Variants in KMT2D observed in about 807,000 individuals in gnomAD.
KMT2D encodes the protein histone-lysine N-methyltransferase 2D.
KMT2D carries 55 observed loss-of-function variants against 512.7 expected under a neutral mutation model. That is an observed-to-expected ratio of 0.11 (90% CI 0.09 to 0.13). The LOEUF (loss-of-function observed/expected upper bound fraction) is 0.13. Among genes scored for constraint, KMT2D ranks in the 10% least tolerant of loss-of-function variants. The pLI, the probability that KMT2D is intolerant of heterozygous loss-of-function variation, is 1.00. For synonymous variants in KMT2D, 2,995 were observed against 2,904.0 expected (o/e 1.03, Z -1.01); for missense variants, 6,061 against 7,127.9 (o/e 0.85, Z 5.39).
Position 49,031,565 on chromosome 12 carries a change from T to A in KMT2D, c.13140A>T (p.Pro4380=). The A allele has an allele frequency of 1.2e-6, 2 of 1,601,836 alleles. No homozygotes were observed. Among genetic ancestry groups the A allele is most frequent in the Non-Finnish European group, 1.7e-6 (2 of 1,174,022 alleles). The part of the protein sequence containing the change: ...FSKGLGPWDP[P]DNLAETQKPE... ...GCTTCTGGGTTTCTGCTAGGTTGTC[T>A]GGGGGATCCCAAGGTCCCAGACCCT... Residue 4380 remains proline, a synonymous_variant, in exon 40 of 55, where the codon CCA becomes CCT. Coordinates refer to ENST00000301067, the MANE Select transcript of KMT2D (RefSeq NM_003482.4).
Position 49,060,036 on chromosome 12 carries a change from G to A in KMT2D, c.-461C>T, listed in dbSNP as rs1290238319. Among the ~76,000 whole-genome samples, 2 of 151,428 alleles carry A rather than the reference G, an allele frequency of 1.3e-5. No individual in the cohort carries two copies. The highest frequency in any genetic ancestry group is 3.0e-5 in the Non-Finnish European group (2 of 67,726). ...GATGGAACGTCGAGGCGCCTCCCCA[G>A]CAGCCCGGAAGGAATGCCGCGCCGC... is the stretch of plus-strand genomic sequence containing the variant. On this transcript the variant is annotated 5_prime_UTR_variant, in exon 1 of 55. Transcript: ENST00000301067.
Position 49,039,700 on chromosome 12 carries a change from C to T in KMT2D, c.8046+24G>A, listed in dbSNP as rs775763674. The stretch of plus-strand genomic sequence containing the variant: ...CCAGAGACAGGAGCGATATAGGGGG[C>T]TTAGCTCCAGGGTGTCAACTTACCT... On this transcript the variant is annotated intron_variant, in intron 32 of 54. Coordinates refer to ENST00000301067, the MANE Select transcript of KMT2D (RefSeq NM_003482.4). This position sits in a 1 kb window ranked among gnomAD's most constrained non-coding sequence, Gnocchi z 5.0. The T allele has an allele frequency of 6.2e-7, 1 of 1,608,270 alleles. No homozygotes were observed. Among genetic ancestry groups the T allele is most frequent in the Non-Finnish European group, 8.5e-7 (1 of 1,178,004 alleles).
Position 49,059,973 on chromosome 12 carries a change from G to A in KMT2D, c.-398C>T, listed in dbSNP as rs1187901510. Among the ~76,000 whole-genome samples, 1 of 151,530 alleles carries A rather than the reference G, an allele frequency of 6.6e-6. No individual in the cohort carries two copies. The highest frequency in any genetic ancestry group is 2.0e-4 in the East Asian group (1 of 5,120). ...CTAGGGCCCGGCCAGCGCCCCGGCC[G>A]CCCGCGCCGGGCTCGGGCGGAACGT... On this transcript the variant is annotated 5_prime_UTR_variant, in exon 1 of 55. Transcript: ENST00000301067.
In KMT2D at chr12:49,040,998, G is replaced by A. The variant is rs770272063; in HGVS notation, c.6772C>T (p.Pro2258Ser). ...CCTCCCCCTACCCCAGGGCTCTCAGGCACAGCCAAGTTATCCAGCGAGGGG... is the reference window on the plus strand; with the variant it reads ...CCTCCCCCTACCCCAGGGCTCTCAGACACAGCCAAGTTATCCAGCGAGGGG... ...RCPSLDNLAV[P>S]ESPGVGGGKA... The change falls in exon 32 of 55, where the codon CCT (proline) becomes TCT (serine). Residue 2258 changes from proline to serine, a missense_variant. Physicochemically the swap from Pro to Ser is moderately conservative, Grantham distance 74. Around this residue, in one of 16 missense-constraint regions of KMT2D, gnomAD observed 710 missense variants for 647.3 expected, o/e 1.10. Transcript: ENST00000301067. 25 of 1,598,650 alleles carry A rather than the reference G, an allele frequency of 1.6e-5. No homozygotes were observed. The highest frequency in any genetic ancestry group is 6.7e-5 in the East Asian group (3 of 44,718).
rs2120418288 is a variant in KMT2D, at chr12:49,031,278, G to C, written c.13427C>G (p.Thr4476Ser). 1 of 1,613,452 alleles carries C rather than the reference G, an allele frequency of 6.2e-7. No individual in the cohort carries two copies. Among genetic ancestry groups the C allele is most frequent in the Non-Finnish European group, 8.5e-7 (1 of 1,179,886 alleles). The change falls in exon 40 of 55, where the codon ACT becomes AGT. Residue 4476 changes from threonine (T) to serine (S), a missense_variant. By Grantham distance (58) the Thr-to-Ser change is moderately conservative. Transcript: ENST00000301067. The part of the protein sequence containing the change: ...LLRAKNVQLS[T>S]GRGSEGLRAE... ...TCGCAGCCCCTCGGACCCCCGCCCAGTGCTGAGTTGCACATTCTTTGCCCG... is the reference window on the plus strand; with the variant it reads ...TCGCAGCCCCTCGGACCCCCGCCCACTGCTGAGTTGCACATTCTTTGCCCG...
rs2120528863 is a variant in KMT2D, at chr12:49,040,427, T to C, written c.7343A>G (p.Asp2448Gly). 6.4e-7 allele frequency: 1 copy of C among 1,562,618 alleles called. No individual in the cohort carries two copies. Among genetic ancestry groups the C allele is most frequent in the Non-Finnish European group, 8.7e-7 (1 of 1,153,554 alleles). ...GCGTGAGGGTGGGCGAGAATAAGGG[T>C]CAGGGGACTGGAAGCGAGGGGTAAC... ...SPVTPRFQSP[D>G]PYSRPPSRPQ... The change falls in exon 32 of 55, where the codon GAC (aspartate) becomes GGC (glycine). Residue 2448 changes from aspartate to glycine, a missense_variant. By Grantham distance (94) the Asp-to-Gly change is moderately conservative. Coordinates refer to ENST00000301067, the MANE Select transcript of KMT2D (RefSeq NM_003482.4).
chr12:49,059,344 A>T (rs1938600091), intron 1 of KMT2D, among the ~76,000 whole-genome samples: 1 of 152,096 alleles, frequency 6.6e-6, no homozygotes, highest in Non-Finnish European at 1.5e-5. Context: ...ACACAAAAAT[A>T]AACAGGCAGA....
Position 49,039,152 on chromosome 12 carries a change from A to T in KMT2D, c.8366+70T>A. Reference sequence around the variant, plus strand: ...AAAGGATTAGTGATACAGGAAAATCACAAGAGCTTCCAACAGTGATAAAAT... The same window carrying T: ...AAAGGATTAGTGATACAGGAAAATCTCAAGAGCTTCCAACAGTGATAAAAT... On this transcript the variant is annotated intron_variant, in intron 34 of 54. Coordinates refer to ENST00000301067, the MANE Select transcript of KMT2D (RefSeq NM_003482.4). The surrounding 1 kb of genome is among the most constrained non-coding windows in gnomAD (Gnocchi z 5.0). The T allele has an allele frequency of 6.3e-7, 1 of 1,589,610 alleles. No homozygotes were observed.
chr12:49,041,812 C>G lies in KMT2D; in HGVS notation c.6183+105G>C. On this transcript the variant is annotated intron_variant, in intron 30 of 54. Coordinates refer to ENST00000301067, the MANE Select transcript of KMT2D (RefSeq NM_003482.4). This position sits in a 1 kb window ranked among gnomAD's most constrained non-coding sequence, Gnocchi z 5.4. The stretch of plus-strand genomic sequence containing the variant: ...TACCCAGAAGCAGATCCCTTCTGGC[C>G]CAGCTGCTTTAGGAGTGGGGAGCGG... The G allele has an allele frequency of 1.3e-6, 2 of 1,520,470 alleles. No individual in the cohort carries two copies. Among genetic ancestry groups the G allele is most frequent in the Non-Finnish European group, 1.8e-6 (2 of 1,116,378 alleles). The allele number at this position is 1,520,470 out of a possible 1,614,324, so 94.2% of individuals were successfully genotyped here.
chr12:49,055,392 C>T (rs2120719385), intron 1 of KMT2D, 31 bp from the exon 2 acceptor site: 3 of 1,417,448 alleles, frequency 2.1e-6, no homozygotes, highest in Admixed American at 2.0e-5. Context: ...ATCTATATGC[C>T]TACTAAGTCT....
chr12:49,021,715 C>A lies in KMT2D; in HGVS notation c.*65G>T. 1.5e-6 allele frequency: 2 copies of A among 1,345,768 alleles called. No homozygotes were observed. Among genetic ancestry groups the A allele is most frequent in the East Asian group, 2.3e-5 (1 of 43,510 alleles). The allele number at this position is 1,345,768 out of a possible 1,614,324, so 83.4% of individuals were successfully genotyped here. On this transcript the variant is annotated 3_prime_UTR_variant, in exon 55 of 55. Transcript: ENST00000301067. ...GCTCTGGCTGCTACCTCTCTTCCCCCTCATCCCTTTCAGGGAAGAGGTTGT... is the reference window on the plus strand; with the variant it reads ...GCTCTGGCTGCTACCTCTCTTCCCCATCATCCCTTTCAGGGAAGAGGTTGT...
In KMT2D at chr12:49,037,454, C is replaced by A. The variant is rs574890031; in HGVS notation, c.9902G>T (p.Gly3301Val). ...PAQAMSLPHEGSSPSLAGSQQ... is the reference protein window; with the variant it reads ...PAQAMSLPHEVSSPSLAGSQQ... ...GGACCCAGCCAAACTGGGAGAAGAGCCCTCATGTGGCAAAGACATGGCCTG... is the reference window on the plus strand; with the variant it reads ...GGACCCAGCCAAACTGGGAGAAGAGACCTCATGTGGCAAAGACATGGCCTG... Residue 3301 changes from glycine to valine, a missense_variant, in exon 35 of 55, where the codon GGC becomes GTC. Physicochemically the swap from Gly to Val is moderately radical, Grantham distance 109. Coordinates refer to ENST00000301067, the MANE Select transcript of KMT2D (RefSeq NM_003482.4). The A allele has an allele frequency of 6.3e-7, 1 of 1,575,350 alleles. No individual in the cohort carries two copies. Among genetic ancestry groups the A allele is most frequent in the Non-Finnish European group, 8.6e-7 (1 of 1,160,466 alleles).
Position 49,034,422 on chromosome 12 carries a change from G to T in KMT2D, c.10495C>A (p.Gln3499Lys), listed in dbSNP as rs1215928987. ...GCCCCATACTCACTGATCACTCCCT[G>T]AGCAAAAGTGGGCGGGTTGGGACGA... The part of the protein sequence containing the change: ...QPRPNPPTFA[Q>K]GVINEADQRQ... Residue 3499 changes from glutamine (Q) to lysine (K), a missense_variant, in exon 38 of 55, where the codon CAG (glutamine) becomes AAG (lysine). By Grantham distance (53) the Gln-to-Lys change is moderately conservative. Transcript: ENST00000301067. 2.5e-6 allele frequency: 4 copies of T among 1,613,742 alleles called. No individual in the cohort carries two copies. In the East Asian group the frequency reaches 8.9e-5, roughly 36 times the overall value.
At position 49,028,808 on chromosome 12, in the gene KMT2D, G is replaced by C. The variant is rs114500210; in HGVS notation, c.14382+20C>G. 1.2e-6 allele frequency: 2 copies of C among 1,612,042 alleles called. No homozygotes were observed. The highest frequency in any genetic ancestry group is 1.1e-5 in the South Asian group (1 of 90,878). On this transcript the variant is annotated intron_variant, in intron 46 of 54. Coordinates refer to ENST00000301067, the MANE Select transcript of KMT2D (RefSeq NM_003482.4). ...CTCTGATCAGGTTCCCCTCAGCCTC[G>C]AGGTACCCCTAGGACACACCTTGGC...
At chr12:49,053,766 C>A (rs1259663078) in intron 6 of KMT2D, 125 bp from the exon 7 acceptor site, 6 of 1,211,036 alleles carry the variant, frequency 5.0e-6, no homozygotes. Flanking sequence ...TGAGTGCCTG[C>A]CCAACGTCTG....
At position 49,031,224 on chromosome 12, in the gene KMT2D, T is replaced by C; in HGVS notation, c.13481A>G (p.Lys4494Arg). 1.2e-6 allele frequency: 2 copies of C among 1,612,512 alleles called. No homozygotes were observed. Among genetic ancestry groups the C allele is most frequent in the South Asian group, 1.1e-5 (1 of 91,042 alleles). The change falls in exon 40 of 55, where the codon AAG becomes AGG. Residue 4494 changes from lysine to arginine, a missense_variant. Lys to Arg is a conservative substitution (Grantham distance 26, BLOSUM62 2). This residue lies in a region of KMT2D where 1,600 missense variants were observed against 1,754.9 expected (regional missense o/e 0.91). Coordinates refer to ENST00000301067, the MANE Select transcript of KMT2D (RefSeq NM_003482.4). Reference protein sequence around the residue: ...RAEINGHIDSKLAGLEQKLQG... With the variant: ...RAEINGHIDSRLAGLEQKLQG... ...TAGTTTCTGCTCCAGCCCAGCCAGC[T>C]TGCTGTCAATGTGCCCGTTGATCTC...
chr12:49,031,900 G>T lies in KMT2D; in HGVS notation c.12805C>A (p.Pro4269Thr). 1 of 1,536,372 alleles carries T rather than the reference G, an allele frequency of 6.5e-7. No individual in the cohort carries two copies. Among genetic ancestry groups the T allele is most frequent in the Non-Finnish European group, 8.7e-7 (1 of 1,142,958 alleles). Residue 4269 changes from proline to threonine, a missense_variant, in exon 40 of 55, where the codon CCA becomes ACA. By Grantham distance (38) the Pro-to-Thr change is conservative. Around this residue, in one of 16 missense-constraint regions of KMT2D, gnomAD observed 1,600 missense variants for 1,754.9 expected, o/e 0.91. Transcript: ENST00000301067. ...AGCTCCTGGAGGGGGCCTGTCTGTG[G>T]TCCAGGGAAGCCCCCAAGTTGAGGT... ...CQPQLGGFPGPQTGPLQELGA... is the reference protein window; with the variant it reads ...CQPQLGGFPGTQTGPLQELGA...
Position 49,041,436 on chromosome 12 carries a change from C to T in KMT2D, c.6334G>A (p.Ala2112Thr), listed in dbSNP as rs1049407575. The change falls in exon 32 of 55, where the codon GCA (alanine) becomes ACA (threonine). Residue 2112 changes from alanine (A) to threonine (T), a missense_variant. Coordinates refer to ENST00000301067, the MANE Select transcript of KMT2D (RefSeq NM_003482.4). The surrounding 1 kb of genome is among the most constrained non-coding windows in gnomAD (Gnocchi z 5.4). ...LHLRIPPQPGALGSPPPAAAP... is the reference protein window; with the variant it reads ...LHLRIPPQPGTLGSPPPAAAP... The stretch of plus-strand genomic sequence containing the variant: ...GCAGCGGGGGGCGGGCTGCCCAGTG[C>T]CCCTGGCTGCGGGGGAATGCGGAGA... The T allele has an allele frequency of 1.9e-6, 3 of 1,611,926 alleles. No homozygotes were observed. The highest frequency in any genetic ancestry group is 2.2e-5 in the East Asian group (1 of 44,866).
Position 49,052,391 on chromosome 12 carries a change from T to C in KMT2D, c.1292A>G (p.Glu431Gly). 1 of 1,541,102 alleles carries C rather than the reference T, an allele frequency of 6.5e-7. No individual in the cohort carries two copies. Among genetic ancestry groups the C allele is most frequent in the Non-Finnish European group, 8.7e-7 (1 of 1,143,616 alleles). ...KAGVQLEPQLEAPLNEEMPLL... is the reference protein window; with the variant it reads ...KAGVQLEPQLGAPLNEEMPLL... Reference sequence around the variant, plus strand: ...TGGCATCTCCTCGTTTAGGGGGGCCTCCAACTGGGGCTCAAGTTGGACCCC... The same window carrying C: ...TGGCATCTCCTCGTTTAGGGGGGCCCCCAACTGGGGCTCAAGTTGGACCCC... The change falls in exon 11 of 55, where the codon GAG becomes GGG. Residue 431 changes from glutamate (E) to glycine (G), a missense_variant. Glu to Gly is a moderately conservative substitution (Grantham distance 98). Coordinates refer to ENST00000301067, the MANE Select transcript of KMT2D (RefSeq NM_003482.4).
Sources: gnomAD v4.1 joint callset for allele counts (sites outside exome capture counted in the v4.1 genomes callset) on GRCh38, gnomAD v4.1.1 for gene constraint, gnomAD v4.1.1 regional missense constraint, Gnocchi (gnomAD v3.1) non-coding constraint, MANE v1.5 for transcripts, NCBI Gene and HGNC (gene_info 2026-07-23, HGNC 2026-07-21) for gene names.